Variants in AIG1 observed in about 807,000 individuals in gnomAD.
AIG1 encodes androgen-induced gene 1 protein.
In AIG1, 23 loss-of-function variants were observed where a neutral mutation model predicts 31.4. The ratio of observed to expected loss-of-function variants is 0.73; its 90% CI spans 0.53 to 1.04. The LOEUF is 1.04. Among genes scored for constraint, AIG1 ranks in the 50% least tolerant of loss-of-function variants. The probability of loss-of-function intolerance (pLI) is 0.00; values close to 1 mark genes in which losing one functional copy is unlikely to be tolerated. For missense variants in AIG1, 274 were observed against 295.0 expected, an observed-to-expected ratio of 0.93 and a Z score of 0.52; for synonymous variants, 100 against 110.5, an observed-to-expected ratio of 0.90 and a Z score of 0.60.
At chr6:143,094,227 G>A (rs185470327) in intron 1 of AIG1, 6 of 152,182 alleles carry the variant, frequency 3.9e-5, no homozygotes, top group South Asian at 2.1e-4. Flanking sequence ...ATTCTTTTCC[G>A]TTTGACTCAG....
chr6:143,244,666 C>T (rs1794483151), intron 3 of AIG1, among the ~76,000 whole-genome samples: 1 of 152,202 alleles, frequency 6.6e-6, no homozygotes, highest in African/African-American at 2.4e-5. Context: ...ACACTGTGAG[C>T]ATCAAGGTAT....
intron 3 of AIG1, among the ~76,000 whole-genome samples, chr6:143,227,904 A>G (rs981037521): frequency 6.6e-6 from 1 of 152,194 alleles, no homozygotes; most frequent in Non-Finnish European, 1.5e-5. Context: ...CAATTCCCCC[A>G]GAGCTTGCTG....
At chr6:143,119,683 G>T (rs1191841611) in intron 1 of AIG1, among the ~76,000 whole-genome samples, 1 of 152,162 alleles carries the variant, frequency 6.6e-6, no homozygotes, top group Non-Finnish European at 1.5e-5. Context: ...CTTCTTCCTG[G>T]AGTAAGGACC....
chr6:143,187,524 T>C, intron 3 of AIG1: 1 of 1,534,890 alleles, frequency 6.5e-7, no homozygotes, highest in Non-Finnish European at 8.7e-7. Context: ...TTTTAACCTG[T>C]TTTTCACACT....
intron 3 of AIG1, among the ~76,000 whole-genome samples, chr6:143,218,376 C>T (rs2128621346): frequency 6.6e-6 from 1 of 152,282 alleles, no homozygotes; most frequent in South Asian, 2.1e-4. Flanking sequence ...ATCTGGGAAA[C>T]ACTTTAGATA....
At chr6:143,250,120 C>T (rs1234809388) in intron 3 of AIG1, among the ~76,000 whole-genome samples, 4 of 152,222 alleles carry the variant, frequency 2.6e-5, no homozygotes, top group Admixed American at 2.0e-4. Context: ...TGAGCCCAGG[C>T]GTGGTCCCCT....
intron 1 of AIG1, among the ~76,000 whole-genome samples, chr6:143,117,547 C>T (rs6910423): frequency 6.6e-6 from 1 of 151,966 alleles, no homozygotes; most frequent in Admixed American, 6.6e-5. Flanking sequence ...AGCAGATTGT[C>T]GGGGAGAGCT....
intron 3 of AIG1, among the ~76,000 whole-genome samples, chr6:143,237,326 T>C (rs1793882969): frequency 6.6e-6 from 1 of 152,188 alleles, no homozygotes; most frequent in Admixed American, 6.5e-5. Context: ...AGGCTACAAT[T>C]TATTCTATAA....
At chr6:143,143,704 A>C (rs1166881893) in intron 2 of AIG1, among the ~76,000 whole-genome samples, 1 of 151,686 alleles carries the variant, frequency 6.6e-6, no homozygotes, top group Admixed American at 6.6e-5. Flanking sequence ...CTGAAGTTAA[A>C]AGTACATCAG....
chr6:143,220,195 C>T (rs1210444521), intron 3 of AIG1, among the ~76,000 whole-genome samples: 1 of 152,146 alleles, frequency 6.6e-6, no homozygotes. Flanking sequence ...TTGTATGTCA[C>T]CTTCTGAGAG....
intron 3 of AIG1, among the ~76,000 whole-genome samples, chr6:143,238,972 C>T (rs1794019140): frequency 6.6e-6 from 1 of 152,184 alleles, no homozygotes; most frequent in Non-Finnish European, 1.5e-5. Flanking sequence ...ACTGGGGCAG[C>T]CTAAAAGAAC....
intron 1 of AIG1, among the ~76,000 whole-genome samples, chr6:143,123,814 T>C (rs1226721955): frequency 3.9e-5 from 6 of 152,248 alleles, no homozygotes; most frequent in Admixed American, 3.3e-4. Flanking sequence ...AGCCATTCAC[T>C]GTAGCCTTCT....
rs11752523 is a variant in AIG1, at chr6:143,293,363, C to T, written c.515+9138C>T. Among the ~76,000 whole-genome samples, 20,496 of 152,084 alleles carry T rather than the reference C, an allele frequency of 0.13. 1,610 individuals are homozygous for T. The highest frequency in any genetic ancestry group is 0.36 in the East Asian group (1,859 of 5,168). ...TATGGTTCATATATTAAGTTATTTC[C>T]GGAGCTCTGCTTTTCCCATGAGATT... On this transcript the variant is annotated intron_variant, in intron 4 of 5. Coordinates refer to ENST00000357847, the MANE Select transcript of AIG1 (RefSeq NM_016108.4). The surrounding 1 kb of genome is among the most constrained non-coding windows in gnomAD (Gnocchi z 4.8).
At chr6:143,321,623 A>G (rs1213165438) in intron 4 of AIG1, among the ~76,000 whole-genome samples, 1 of 152,162 alleles carries the variant, frequency 6.6e-6, no homozygotes, top group Admixed American at 6.5e-5. Context: ...AATGAAATCT[A>G]GAAGGAACCG....
chr6:143,143,528 A>AAAATAAATATATATATAT (rs1554249782), intron 2 of AIG1, among the ~76,000 whole-genome samples: 1 of 27,784 alleles, frequency 3.6e-5, no homozygotes, highest in Admixed American at 4.8e-4. Flanking sequence ...AAAAAAAAAA[A>AAAATAAATATATATATAT]ATATATATAT....
chr6:143,112,356 A>C (rs984038569), intron 1 of AIG1, among the ~76,000 whole-genome samples: 3 of 152,192 alleles, frequency 2.0e-5, no homozygotes, highest in Admixed American at 6.5e-5. Context: ...ATTCCCCTGC[A>C]CACACCAGTC....
At chr6:143,207,171 C>A in intron 3 of AIG1, among the ~76,000 whole-genome samples, 1 of 152,098 alleles carries the variant, frequency 6.6e-6, no homozygotes, top group South Asian at 2.1e-4. Flanking sequence ...TCCTTTGCCC[C>A]AGTTGCAATG....
At chr6:143,234,637 G>C (rs956791932) in intron 3 of AIG1, among the ~76,000 whole-genome samples, 1 of 152,132 alleles carries the variant, frequency 6.6e-6, no homozygotes, top group African/African-American at 2.4e-5. Context: ...GTGTTGTCTC[G>C]CTGGGGCTTC....
chr6:143,303,561 C>T (rs1314420239), intron 4 of AIG1, among the ~76,000 whole-genome samples: 2 of 152,036 alleles, frequency 1.3e-5, no homozygotes, highest in East Asian at 1.9e-4. Flanking sequence ...TTTCTGAGGG[C>T]TCTGTTCTGT....
Sources: allele counts gnomAD v4.1 joint callset (sites outside exome capture counted in the v4.1 genomes callset), GRCh38; gene constraint gnomAD v4.1.1; non-coding constraint Gnocchi (gnomAD v3.1); transcripts MANE v1.5; gene names NCBI Gene and HGNC (gene_info 2026-07-23, HGNC 2026-07-21).